The following FSTL4 variants were observed in gnomAD, a reference collection of about 807,000 sequenced individuals.
The protein encoded by FSTL4 is follistatin-related protein 4.
In FSTL4, 28 loss-of-function variants were observed where a neutral mutation model predicts 78.2. The observed-to-expected ratio is 0.36, with a 90% CI of 0.27 to 0.49. The LOEUF is 0.49. Among genes scored for constraint, FSTL4 ranks in the 20% least tolerant of loss-of-function variants. The pLI is 0.98. For missense variants in FSTL4, 922 were observed against 1,084.9 expected (o/e 0.85, Z 2.11); for synonymous variants, 422 against 440.5 (o/e 0.96, Z 0.53).
intron 3 of FSTL4, among the ~76,000 whole-genome samples, chr5:133,506,870 C>A (rs547600950): frequency 6.6e-6 from 1 of 152,322 alleles, no homozygotes; most frequent in African/African-American, 2.4e-5. Context: ...ACAAACAGCA[C>A]GTATTTCTGA....
chr5:133,341,146 C>A (rs1054312764), intron 4 of FSTL4, among the ~76,000 whole-genome samples: 1 of 151,924 alleles, frequency 6.6e-6, no homozygotes, highest in African/African-American at 2.4e-5. Flanking sequence ...GACATGACCT[C>A]CCTTCGAAAC....
At chr5:133,763,380 G>T in the FSTL4 span, among the ~76,000 whole-genome samples, 1 of 152,214 alleles carries the variant, frequency 6.6e-6, no homozygotes, top group Non-Finnish European at 1.5e-5. Flanking sequence ...AAAAGGGCCA[G>T]ATCATCAGCT....
intron 3 of FSTL4, among the ~76,000 whole-genome samples, chr5:133,474,239 C>T (rs1757883141): frequency 6.6e-6 from 1 of 152,078 alleles, no homozygotes; most frequent in South Asian, 2.1e-4. Flanking sequence ...CCCTCCATGC[C>T]CCAGTTTTTG....
the FSTL4 span, among the ~76,000 whole-genome samples, chr5:133,719,672 T>TA: frequency 5.3e-3 from 537 of 101,996 alleles, 6 homozygotes; most frequent in South Asian, 0.023. Context: ...AAACTCCATC[T>TA]AAAAAAAAAA....
chr5:133,223,351 A>G (rs775646201), intron 11 of FSTL4, among the ~76,000 whole-genome samples: 1 of 152,252 alleles, frequency 6.6e-6, no homozygotes, highest in Non-Finnish European at 1.5e-5. Context: ...GCCAGACTGC[A>G]GGTAACACCG....
the FSTL4 span, among the ~76,000 whole-genome samples, chr5:133,700,465 C>A: frequency 6.6e-6 from 1 of 151,948 alleles, no homozygotes; most frequent in African/African-American, 2.4e-5. Context: ...CACCAAGCCA[C>A]CACACCAAAC....
intron 4 of FSTL4, among the ~76,000 whole-genome samples, chr5:133,372,101 C>A (rs550016888): frequency 3.3e-5 from 5 of 152,334 alleles, no homozygotes; most frequent in Admixed American, 1.3e-4. Flanking sequence ...GGCTGCCAAA[C>A]ACACCTCATC....
At chr5:133,680,390 A>T in the FSTL4 span, among the ~76,000 whole-genome samples, 6 of 152,222 alleles carry the variant, frequency 3.9e-5, no homozygotes, top group Middle Eastern at 3.4e-3. Flanking sequence ...AGCTCCAAAC[A>T]CAGGATCCTT....
At chr5:133,724,079 T>C in the FSTL4 span, among the ~76,000 whole-genome samples, 53 of 152,242 alleles carry the variant, frequency 3.5e-4, no homozygotes, top group African/African-American at 1.3e-3. Context: ...TGGCTCCCAC[T>C]CCAATATGGC....
At chr5:133,363,005 G>A (rs548208850) in intron 4 of FSTL4, among the ~76,000 whole-genome samples, 2 of 151,952 alleles carry the variant, frequency 1.3e-5, no homozygotes, top group South Asian at 2.1e-4. Flanking sequence ...ATAGCTGTCA[G>A]CCCTTTAGAG....
At position 133,426,767 on chromosome 5, in the gene FSTL4, T is replaced by C. The variant is rs1020268586; in HGVS notation, c.161-25781A>G. 1.3e-5 allele frequency among the ~76,000 whole-genome samples: 2 copies of C among 152,184 alleles called. No individual in the cohort carries two copies. The highest frequency in any genetic ancestry group is 4.8e-5 in the African/African-American group (2 of 41,442). On this transcript the variant is annotated intron_variant, in intron 3 of 15. Coordinates refer to ENST00000265342, the MANE Select transcript of FSTL4 (RefSeq NM_015082.2). This position sits in a 1 kb window ranked among gnomAD's most constrained non-coding sequence, Gnocchi z 5.0. Reference sequence around the variant, plus strand: ...CAGTTCTGCTTTAATAATGCACTGATAGAAGCTCCAGTTCCCTTCTTTAGT... The same window carrying C: ...CAGTTCTGCTTTAATAATGCACTGACAGAAGCTCCAGTTCCCTTCTTTAGT...
chr5:133,470,554 G>A (rs2112847928), intron 3 of FSTL4, among the ~76,000 whole-genome samples: 1 of 152,166 alleles, frequency 6.6e-6, no homozygotes, highest in South Asian at 2.1e-4. Context: ...AGACCAGCCT[G>A]GCCAACATGG....
chr5:133,257,227 CTTAGCAGAGAA>C (rs1340876193), intron 6 of FSTL4, among the ~76,000 whole-genome samples: 4 of 152,192 alleles, frequency 2.6e-5, no homozygotes, highest in Non-Finnish European at 5.9e-5. Flanking sequence ...GAGCTCATGG[CTTAGCAGAGAA>C]GACAAGTGTT....
chr5:133,392,554 A>T (rs989950995), intron 4 of FSTL4, among the ~76,000 whole-genome samples: 1 of 152,192 alleles, frequency 6.6e-6, no homozygotes, highest in Non-Finnish European at 1.5e-5. Flanking sequence ...GACAGGAGCT[A>T]GGTGCAGACC....
At chr5:133,462,196 G>A (rs761995707) in intron 3 of FSTL4, among the ~76,000 whole-genome samples, 2 of 152,186 alleles carry the variant, frequency 1.3e-5, no homozygotes, top group African/African-American at 2.4e-5. Flanking sequence ...GACATGCCCC[G>A]ATGTCCCCTC....
the FSTL4 span, among the ~76,000 whole-genome samples, chr5:133,727,127 G>C: frequency 6.6e-6 from 1 of 152,152 alleles, no homozygotes; most frequent in Non-Finnish European, 1.5e-5. Context: ...ACAAAGAGAA[G>C]ATGCAGGGAC....
At chr5:133,382,100 G>A (rs1205460273) in intron 4 of FSTL4, among the ~76,000 whole-genome samples, 1 of 152,162 alleles carries the variant, frequency 6.6e-6, no homozygotes, top group African/African-American at 2.4e-5. Context: ...GCTCAGCAGG[G>A]TCTGCCCAGA....
rs555430459 is a variant in FSTL4, at chr5:133,322,549, T to C, written c.410-5897A>G. 4.1e-3 allele frequency among the ~76,000 whole-genome samples: 630 copies of C among 152,016 alleles called. 2 individuals are homozygous for C. Among genetic ancestry groups the C allele is most frequent in the Non-Finnish European group, 4.9e-3 (334 of 67,970 alleles). Reference sequence around the variant, plus strand: ...AGCCAACAAAGGGTTCACTCATGAGTGGGTTGCCGCCGTGGGCAATGGGGG... The same window carrying C: ...AGCCAACAAAGGGTTCACTCATGAGCGGGTTGCCGCCGTGGGCAATGGGGG... On this transcript the variant is annotated intron_variant, in intron 4 of 15. Coordinates refer to ENST00000265342, the MANE Select transcript of FSTL4 (RefSeq NM_015082.2).
At chr5:133,381,036 T>C (rs1463008823) in intron 4 of FSTL4, among the ~76,000 whole-genome samples, 1 of 152,198 alleles carries the variant, frequency 6.6e-6, no homozygotes, top group Non-Finnish European at 1.5e-5. Flanking sequence ...TCACAAGTGT[T>C]AGTAAGAATA....
Sources: gnomAD v4.1 joint callset for allele counts (sites outside exome capture counted in the v4.1 genomes callset) on GRCh38, gnomAD v4.1.1 for gene constraint, Gnocchi (gnomAD v3.1) non-coding constraint, MANE v1.5 for transcripts, NCBI Gene and HGNC (gene_info 2026-07-23, HGNC 2026-07-21) for gene names.